Variants in PPFIA3 observed in about 807,000 individuals in gnomAD.
PPFIA3 encodes the protein liprin-alpha-3.
PPFIA3 carries 26 observed loss-of-function variants against 145.8 expected under a neutral mutation model. The ratio of observed to expected loss-of-function variants is 0.18; its 90% CI spans 0.13 to 0.25. PPFIA3 has a LOEUF of 0.25. Among genes scored for constraint, PPFIA3 ranks in the 10% least tolerant of loss-of-function variants. The pLI is 1.00. For synonymous variants in PPFIA3, 645 were observed against 661.4 expected (o/e 0.98, Z 0.38); for missense variants, 1,008 against 1,587.8 (o/e 0.63, Z 6.21).
chr19:49,128,447 G>C lies in PPFIA3; in HGVS notation c.321G>C (p.Lys107Asn). Reference protein sequence around the residue: ...LEREEEIAELKAERNNTRLLL... With the variant: ...LEREEEIAELNAERNNTRLLL... ...GGGAGGAAGAGATTGCAGAGCTGAAGGCGGAACGGAACAACACGCGGGTGA... is the reference window on the plus strand; with the variant it reads ...GGGAGGAAGAGATTGCAGAGCTGAACGCGGAACGGAACAACACGCGGGTGA... The change falls in exon 3 of 30, where the codon AAG (lysine) becomes AAC (asparagine). Residue 107 changes from lysine (K) to asparagine (N), a missense_variant. Lys to Asn is a moderately conservative substitution (Grantham distance 94). This residue lies in a region of PPFIA3 where 25 missense variants were observed against 85.2 expected (regional missense o/e 0.29). Transcript: ENST00000334186. The surrounding 1 kb of genome is among the most constrained non-coding windows in gnomAD (Gnocchi z 4.1). 1 of 1,612,384 alleles carries C rather than the reference G, an allele frequency of 6.2e-7. No homozygotes were observed. The highest frequency in any genetic ancestry group is 8.5e-7 in the Non-Finnish European group (1 of 1,179,510).
At chr19:49,140,274 T>G (rs1464899451) in intron 18 of PPFIA3, among the ~76,000 whole-genome samples, 186 bp downstream of exon 18, 1 of 152,172 alleles carries the variant, frequency 6.6e-6, no homozygotes. Flanking sequence ...GAAAGGGCAC[T>G]CTGGGACCTG....
intron 21 of PPFIA3, 47 bp from the exon 22 acceptor site, chr19:49,145,896 C>G (rs1369441706): frequency 6.4e-7 from 1 of 1,565,938 alleles, no homozygotes; most frequent in East Asian, 2.2e-5. Flanking sequence ...TCCTCTCCCC[C>G]ACGCGAAGCC....
chr19:49,149,925 C>T lies in PPFIA3; in HGVS notation c.3527-155C>T. The T allele has an allele frequency of 8.8e-7, 1 of 1,135,028 alleles. No individual in the cohort carries two copies. Among genetic ancestry groups the T allele is most frequent in the Non-Finnish European group, 1.2e-6 (1 of 805,766 alleles). 70.3% of individuals were successfully genotyped at this position (1,135,028 alleles called of 1,614,324 possible). A position where few individuals can be genotyped will look rare whatever the true frequency, so the allele number is the denominator to read the frequency against. On this transcript the variant is annotated intron_variant, in intron 28 of 29. Transcript: ENST00000334186. This position sits in a 1 kb window ranked among gnomAD's most constrained non-coding sequence, Gnocchi z 5.7. ...AGGGCGGGAGTGAACTCGCCCAATG[C>T]GAGTTTGAGTCCTTGGCTGCGGGGA...
rs1164102785 is a variant in PPFIA3 at position 49,135,824 on chromosome 19, C to G, written c.1566C>G (p.Pro522=). 6.2e-7 allele frequency: 1 copy of G among 1,613,930 alleles called. No individual in the cohort carries two copies. Among genetic ancestry groups the G allele is most frequent in the African/African-American group, 1.3e-5 (1 of 75,048 alleles). The change falls in exon 14 of 30, where the codon CCC becomes CCG. Residue 522 remains proline (P), a synonymous_variant. Coordinates refer to ENST00000334186, the MANE Select transcript of PPFIA3 (RefSeq NM_003660.4). ...TGGAGCTCCGTTACTCTCAGGCACC[C>G]ACTTTACCTTCTGGTGCCCACCTGG... The part of the protein sequence containing the change: ...SALELRYSQA[P]TLPSGAHLDP...
At chr19:49,148,377 T>A in intron 24 of PPFIA3, 119 bp downstream of exon 24, 1 of 1,157,954 alleles carries the variant, frequency 8.6e-7, no homozygotes, top group Non-Finnish European at 1.2e-6. Flanking sequence ...TTAGCCTGAG[T>A]TCTCAGGAAA....
chr19:49,143,789 G>A lies in PPFIA3; in HGVS notation c.2745+785G>A, dbSNP rs548665572. ...TCTGTTGTGTGTGTGGGGTGGAGGCGGGGAGTGGGGAGTACAGGTTGAGTG... is the reference window on the plus strand; with the variant it reads ...TCTGTTGTGTGTGTGGGGTGGAGGCAGGGAGTGGGGAGTACAGGTTGAGTG... On this transcript the variant is annotated intron_variant, in intron 21 of 29. Transcript: ENST00000334186. 3.3e-5 allele frequency among the ~76,000 whole-genome samples: 5 copies of A among 152,270 alleles called. No homozygotes were observed. The South Asian group carries it at 1.0e-3, about 32-fold the overall frequency.
Position 49,133,698 on chromosome 19 carries a change from TG to T in PPFIA3, c.1162-93del. ...GGTGCAGGGGAGGAGCCTGGCGCTG[TG>T]GGGGCGGAGCCTGGCGCTCAGCCTT... On this transcript the variant is annotated intron_variant, in intron 9 of 29. Coordinates refer to ENST00000334186, the MANE Select transcript of PPFIA3 (RefSeq NM_003660.4). The surrounding 1 kb of genome is among the most constrained non-coding windows in gnomAD (Gnocchi z 7.2). The T allele has an allele frequency of 7.7e-7, 1 of 1,295,222 alleles. No individual in the cohort carries two copies. The highest frequency in any genetic ancestry group is 1.1e-6 in the Non-Finnish European group (1 of 908,784). The allele number at this position is 1,295,222 out of a possible 1,614,324, so 80.2% of individuals were successfully genotyped here. A position where few individuals can be genotyped will look rare whatever the true frequency, so the allele number is the denominator to read the frequency against.
At chr19:49,134,246 C>G in intron 11 of PPFIA3, 81 bp downstream of exon 11, 1 of 1,523,028 alleles carries the variant, frequency 6.6e-7, no homozygotes, top group Non-Finnish European at 8.8e-7. Flanking sequence ...AGGCCTTTCC[C>G]TCAGATCTGT....
In PPFIA3 at chr19:49,149,753, C is replaced by A; in HGVS notation, c.3526+35C>A. 1 of 1,574,396 alleles carries A rather than the reference C, an allele frequency of 6.4e-7. No homozygotes were observed. The highest frequency in any genetic ancestry group is 8.6e-7 in the Non-Finnish European group (1 of 1,162,800). On this transcript the variant is annotated intron_variant, in intron 28 of 29. Coordinates refer to ENST00000334186, the MANE Select transcript of PPFIA3 (RefSeq NM_003660.4). The surrounding 1 kb of genome is among the most constrained non-coding windows in gnomAD (Gnocchi z 5.7). ...TCCCAAATGCGACAGCCCTTCCTCG[C>A]TTCCCTAGGGTGGGGCATGGACCAC...
intron 1 of PPFIA3, among the ~76,000 whole-genome samples, chr19:49,126,341 C>A (rs28682918): frequency 6.6e-5 from 10 of 151,754 alleles, no homozygotes; most frequent in African/African-American, 1.2e-4. Context: ...CTCCACCTCC[C>A]GGGTTCAAGC....
rs975023821 is a variant in PPFIA3 at position 49,128,793 on chromosome 19, C to G, written c.343-55C>G. On this transcript the variant is annotated intron_variant, in intron 3 of 29. Transcript: ENST00000334186. This position sits in a 1 kb window ranked among gnomAD's most constrained non-coding sequence, Gnocchi z 4.1. Reference sequence around the variant, plus strand: ...GCCCTACCTGTCACCCTTTTTCTCACATCTGCCCCTTTTCCCTTGCCTCTT... The same window carrying G: ...GCCCTACCTGTCACCCTTTTTCTCAGATCTGCCCCTTTTCCCTTGCCTCTT... 2 of 1,493,260 alleles carry G rather than the reference C, an allele frequency of 1.3e-6. No homozygotes were observed. Among genetic ancestry groups the G allele is most frequent in the Non-Finnish European group, 1.8e-6 (2 of 1,108,032 alleles). 92.5% of individuals were successfully genotyped at this position (1,493,260 alleles called of 1,614,324 possible).
At chr19:49,148,351 G>C (rs1246818734) in intron 24 of PPFIA3, 93 bp downstream of exon 24, 1 of 1,360,984 alleles carries the variant, frequency 7.3e-7, no homozygotes, top group Admixed American at 2.7e-5. Flanking sequence ...AGATTCCCAG[G>C]CTTATCTTGG....
intron 1 of PPFIA3, among the ~76,000 whole-genome samples, chr19:49,121,079 C>T (rs1277862678): frequency 3.3e-5 from 5 of 152,188 alleles, no homozygotes; most frequent in Non-Finnish European, 7.3e-5. Flanking sequence ...ATCCTCATGT[C>T]ACCCCAGGTG....
chr19:49,144,268 C>G (rs550874790), intron 21 of PPFIA3, among the ~76,000 whole-genome samples: 3 of 152,270 alleles, frequency 2.0e-5, no homozygotes, highest in South Asian at 2.1e-4. Flanking sequence ...CTCAGCCTCC[C>G]AAAGTGCTGG....
intron 14 of PPFIA3, among the ~76,000 whole-genome samples, chr19:49,136,181 G>T (rs1464024127): frequency 6.6e-6 from 1 of 152,160 alleles, no homozygotes; most frequent in Non-Finnish European, 1.5e-5. Flanking sequence ...CAGAGTAGGT[G>T]GGGTTAGGTG....
In PPFIA3 at chr19:49,149,322, C is replaced by G. The variant is rs1389668431; in HGVS notation, c.3351C>G (p.Asp1117Glu). The G allele has an allele frequency of 1.9e-6, 3 of 1,613,848 alleles. No individual in the cohort carries two copies. Among genetic ancestry groups the G allele is most frequent in the Non-Finnish European group, 2.5e-6 (3 of 1,180,024 alleles). Residue 1117 changes from aspartate (D) to glutamate (E), a missense_variant, in exon 27 of 30, where the codon GAC becomes GAG. By Grantham distance (45) the Asp-to-Glu change is conservative. This residue lies in a region of PPFIA3 where 125 missense variants were observed against 159.3 expected (regional missense o/e 0.78). Coordinates refer to ENST00000334186, the MANE Select transcript of PPFIA3 (RefSeq NM_003660.4). This position sits in a 1 kb window ranked among gnomAD's most constrained non-coding sequence, Gnocchi z 5.7. ...LISLGTDRRLDEDSAKSFSRS... is the reference protein window; with the variant it reads ...LISLGTDRRLEEDSAKSFSRS... Reference sequence around the variant, plus strand: ...CCTTAGGCACAGACAGGCGGCTGGACGAGGTGGGCGCGGCAACAGCTCAGA... The same window carrying G: ...CCTTAGGCACAGACAGGCGGCTGGAGGAGGTGGGCGCGGCAACAGCTCAGA...
chr19:49,129,128 G>C (rs1158581101), intron 4 of PPFIA3, 116 bp downstream of exon 4: 2 of 1,196,784 alleles, frequency 1.7e-6, no homozygotes, highest in Admixed American at 2.7e-5. Context: ...TTGGAAGAAT[G>C]TTGACTGTGA....
rs1048584824 is a variant in PPFIA3, at chr19:49,130,219, G to A, written c.657+152G>A. 7 of 1,144,046 alleles carry A rather than the reference G, an allele frequency of 6.1e-6. No homozygotes were observed. The highest frequency in any genetic ancestry group is 8.6e-6 in the Non-Finnish European group (7 of 817,892). 70.9% of individuals were successfully genotyped at this position (1,144,046 alleles called of 1,614,324 possible). A position where few individuals can be genotyped will look rare whatever the true frequency, so the allele number is the denominator to read the frequency against. ...TTGGACCTCTGATTCAGGTCACCTA[G>A]CGAACTTCTGTGACCTCCTTCACTG... On this transcript the variant is annotated intron_variant, in intron 6 of 29. Transcript: ENST00000334186. The surrounding 1 kb of genome is among the most constrained non-coding windows in gnomAD (Gnocchi z 4.5).
chr19:49,144,867 C>G (rs906789574), intron 21 of PPFIA3, among the ~76,000 whole-genome samples: 11 of 151,964 alleles, frequency 7.2e-5, no homozygotes, highest in Admixed American at 5.9e-4. Flanking sequence ...TTGTAAACAC[C>G]ACATCCTTTA....
Sources: allele counts gnomAD v4.1 joint callset (sites outside exome capture counted in the v4.1 genomes callset), GRCh38; gene constraint gnomAD v4.1.1; regional missense constraint gnomAD v4.1.1; non-coding constraint Gnocchi (gnomAD v3.1); transcripts MANE v1.5; gene names NCBI Gene and HGNC (gene_info 2026-07-23, HGNC 2026-07-21).